C8B: variants seen among roughly 807,000 people sequenced by gnomAD.
C8B encodes complement C8 beta chain.
In C8B, 67 loss-of-function variants were observed where a neutral mutation model predicts 64.6. That is an observed-to-expected ratio of 1.04 (90% CI 0.85 to 1.27). C8B has a LOEUF of 1.27. C8B is among the 50% of genes most tolerant of loss of function. The pLI, the probability that C8B is intolerant of heterozygous loss-of-function variation, is 0.00. For missense variants in C8B, 790 were observed against 725.2 expected, an observed-to-expected ratio of 1.09 and a Z score of -1.03; for synonymous variants, 284 against 257.7, an observed-to-expected ratio of 1.10 and a Z score of -0.98.
At chr1:56,946,272 C>G (rs1461512815) in intron 6 of C8B, among the ~76,000 whole-genome samples, 1 of 152,138 alleles carries the variant, frequency 6.6e-6, no homozygotes, top group Non-Finnish European at 1.5e-5. Context: ...AGAGCTTGCT[C>G]TTAACTCACC....
chr1:56,945,230 CTA>C (rs1188445511), intron 7 of C8B, among the ~76,000 whole-genome samples: 1 of 151,988 alleles, frequency 6.6e-6, no homozygotes, highest in African/African-American at 2.4e-5. Flanking sequence ...TGGGGTGAGC[CTA>C]TGGTGGTAAT....
chr1:56,947,879 C>G (rs1009968713), intron 6 of C8B, among the ~76,000 whole-genome samples: 3 of 151,962 alleles, frequency 2.0e-5, no homozygotes, highest in African/African-American at 4.8e-5. Context: ...TGAAGTGAGC[C>G]GAGATCATGC....
At chr1:56,959,651 C>T (rs558156898) in intron 2 of C8B, 1 of 1,533,382 alleles carries the variant, frequency 6.5e-7, no homozygotes, top group East Asian at 2.4e-5. Context: ...TGATCCTGGA[C>T]TTGATCCTAA....
rs2101385559 is a variant in C8B, at chr1:56,940,896, C to A, written c.1351G>T (p.Glu451Ter). The A allele has an allele frequency of 6.2e-7, 1 of 1,614,032 alleles. No homozygotes were observed. The highest frequency in any genetic ancestry group is 1.7e-5 in the Admixed American group (1 of 60,018). Residue 451 changes from glutamate (E) to a stop codon, truncating the protein, a stop_gained, in exon 9 of 12, where the codon GAG (glutamate) becomes TAG (stop). Coordinates refer to ENST00000371237, the MANE Select transcript of C8B (RefSeq NM_000066.4). LOFTEE classifies it high-confidence loss of function. ...QELPTADLMQ[E>*]WGDAVQYNPA... Reference sequence around the variant, plus strand: ...TTGTACTGCACAGCGTCTCCCCACTCCTGCATCAGGTCCGCCGTCGGCAGC... The same window carrying A: ...TTGTACTGCACAGCGTCTCCCCACTACTGCATCAGGTCCGCCGTCGGCAGC...
intron 1 of C8B, chr1:56,963,746 G>A (rs887898869): frequency 6.2e-6 from 3 of 482,972 alleles, no homozygotes; most frequent in Admixed American, 6.4e-5. Context: ...TTCCCTCTCT[G>A]TGAAACTGTA....
chr1:56,949,735 T>A lies in C8B; in HGVS notation c.684A>T (p.Glu228Asp). Residue 228 changes from glutamate (E) to aspartate (D), a missense_variant, in exon 6 of 12, where the codon GAA (glutamate) becomes GAT (aspartate). Coordinates refer to ENST00000371237, the MANE Select transcript of C8B (RefSeq NM_000066.4). ...SYTPQTQGKY[E>D]FILKEYESYS... ...ATGATTCATACTCTTTTAATATGAA[T>A]TCGTATTTGCCTTGGGTCTAAAGAA... 1 of 1,613,230 alleles carries A rather than the reference T, an allele frequency of 6.2e-7. No homozygotes were observed. Among genetic ancestry groups the A allele is most frequent in the South Asian group, 1.1e-5 (1 of 91,040 alleles).
intron 1 of C8B, among the ~76,000 whole-genome samples, chr1:56,962,086 A>C (rs1187547408): frequency 1.3e-5 from 2 of 152,224 alleles, no homozygotes; most frequent in African/African-American, 4.8e-5. Context: ...AGACAACTCC[A>C]GGGCCATAGG....
chr1:56,932,269 T>C (rs1361402032), intron 10 of C8B, among the ~76,000 whole-genome samples: 4 of 152,196 alleles, frequency 2.6e-5, no homozygotes, highest in Non-Finnish European at 5.9e-5. Flanking sequence ...CTCATTACTC[T>C]TAGATGTCTC....
At chr1:56,936,514 ATTTTTT>A (rs11310458) in intron 9 of C8B, among the ~76,000 whole-genome samples, 1 of 102,142 alleles carries the variant, frequency 9.8e-6, no homozygotes, top group Non-Finnish European at 2.1e-5. Flanking sequence ...TTTGTGGTAA[ATTTTTT>A]TTTTTTTTTT....
intron 6 of C8B, among the ~76,000 whole-genome samples, chr1:56,947,249 A>C (rs562215119): frequency 6.6e-6 from 1 of 151,908 alleles, no homozygotes; most frequent in Non-Finnish European, 1.5e-5. Context: ...CAGCTCCCCT[A>C]CTCTGAGTAT....
intron 9 of C8B, among the ~76,000 whole-genome samples, chr1:56,934,487 G>A (rs939385973): frequency 6.6e-6 from 1 of 152,264 alleles, no homozygotes; most frequent in South Asian, 2.1e-4. Context: ...AGTTAAAAAT[G>A]TTCTATTCCT....
chr1:56,959,405 A>T (rs1480568036), intron 2 of C8B: 1 of 663,906 alleles, frequency 1.5e-6, no homozygotes, highest in Admixed American at 2.3e-5. Flanking sequence ...AGATTGCTTT[A>T]TCCAACTGGA....
intron 6 of C8B, among the ~76,000 whole-genome samples, chr1:56,948,276 T>G (rs904394998): frequency 4.6e-5 from 7 of 152,142 alleles, no homozygotes; most frequent in Non-Finnish European, 8.8e-5. Context: ...TTGGGCACAG[T>G]AAGAGATGAA....
At chr1:56,943,558 A>G (rs1387208646) in intron 8 of C8B, 138 bp downstream of exon 8, 4 of 1,025,440 alleles carry the variant, frequency 3.9e-6, no homozygotes, top group Non-Finnish European at 6.1e-6. Flanking sequence ...TGGTAAAACT[A>G]TAAAAAACAG....
At chr1:56,952,983 C>T (rs901543420) in intron 4 of C8B, among the ~76,000 whole-genome samples, 2 of 152,178 alleles carry the variant, frequency 1.3e-5, no homozygotes, top group South Asian at 2.1e-4. Context: ...CTCATCACAA[C>T]GCATTTACAA....
intron 5 of C8B, 81 bp from the exon 6 acceptor site, chr1:56,949,833 T>C (rs1031278956): frequency 5.3e-6 from 5 of 940,402 alleles, no homozygotes; most frequent in Non-Finnish European, 8.3e-6. Context: ...GCCACTCTAC[T>C]CCTACCATGT....
chr1:56,939,514 A>C (rs1644819880), intron 9 of C8B, among the ~76,000 whole-genome samples: 1 of 152,184 alleles, frequency 6.6e-6, no homozygotes, highest in African/African-American at 2.4e-5. Context: ...TGGGATCTCC[A>C]GTGAGTAGGT....
Position 56,965,398 on chromosome 1 carries a change from A to AGAGAGTGTGTGTGTGTGTGTGT in C8B, c.92+458_92+459insACACACACACACACACACTCTC, listed in dbSNP as rs1553120321. On this transcript the variant is annotated intron_variant, in intron 1 of 11. Transcript: ENST00000371237. ...GGGGGTGAGAGAGAGAGAGAGAGAG[A>AGAGAGTGTGTGTGTGTGTGTGT]GTGTGTGTGTGTGTGTGTGTGTGTG... Among the ~76,000 whole-genome samples, 82 of 142,678 alleles carry AGAGAGTGTGTGTGTGTGTGTGT rather than the reference A, an allele frequency of 5.7e-4. 1 individual carries two copies. Among genetic ancestry groups the AGAGAGTGTGTGTGTGTGTGTGT allele is most frequent in the East Asian group, 3.4e-3 (16 of 4,766 alleles). 93.6% of individuals were successfully genotyped at this position (142,678 alleles called of 152,430 possible).
At chr1:56,941,151 G>A (rs1644848567) in intron 8 of C8B, 139 bp from the exon 9 acceptor site, 2 of 958,760 alleles carry the variant, frequency 2.1e-6, no homozygotes, top group East Asian at 2.6e-5. Flanking sequence ...ACACTTCCTT[G>A]TCCACAGGGC....
Sources: allele counts gnomAD v4.1 joint callset (sites outside exome capture counted in the v4.1 genomes callset), GRCh38; gene constraint gnomAD v4.1.1; transcripts MANE v1.5; gene names NCBI Gene and HGNC (gene_info 2026-07-23, HGNC 2026-07-21).